The following SOX5 variants were observed in gnomAD, a reference collection of about 807,000 sequenced individuals.
SOX5 encodes SRY-box transcription factor 5, also known as transcription factor SOX-5.
SOX5 carries 9 observed loss-of-function variants against 92.0 expected under a neutral mutation model. The observed-to-expected ratio is 0.10, with a 90% confidence interval of 0.06 to 0.17. The LOEUF (loss-of-function observed/expected upper bound fraction) is 0.17, where lower values mean the gene tolerates loss of function less well. Ranked by LOEUF, SOX5 falls within the 10% of genes least tolerant of loss-of-function variation. The probability of loss-of-function intolerance (pLI) is 1.00; values close to 1 mark genes in which losing one functional copy is unlikely to be tolerated. For synonymous variants in SOX5, 344 were observed against 336.3 expected (o/e 1.02, Z -0.25); for missense variants, 642 against 944.5 (o/e 0.68, Z 4.20).
intron 2 of SOX5, among the ~76,000 whole-genome samples, chr12:24,320,863 T>A (rs1950145376): frequency 8.4e-6 from 1 of 119,520 alleles, no homozygotes; most frequent in Admixed American, 7.8e-5. Context: ...AGACTCTGTC[T>A]CAAAAAAAAA....
At chr12:23,757,050 T>C (rs532554236) in intron 3 of SOX5, among the ~76,000 whole-genome samples, 1 of 152,070 alleles carries the variant, frequency 6.6e-6, no homozygotes, top group African/African-American at 2.4e-5. Flanking sequence ...GGAACACTTC[T>C]GTCTCACATG....
chr12:23,998,721 A>C (rs181225694), intron 4 of SOX5, among the ~76,000 whole-genome samples: 125 of 150,530 alleles, frequency 8.3e-4, no homozygotes, highest in Non-Finnish European at 1.5e-3. Flanking sequence ...AAATTCCTTG[A>C]ACCTCGGAGG....
intron 4 of SOX5, among the ~76,000 whole-genome samples, chr12:24,057,824 T>G (rs544597502): frequency 6.6e-6 from 1 of 152,206 alleles, no homozygotes; most frequent in African/African-American, 2.4e-5. Context: ...AACTGTAAGA[T>G]GACACTCACT....
At chr12:24,019,919 A>T (rs1034947219) in intron 4 of SOX5, among the ~76,000 whole-genome samples, 1 of 152,196 alleles carries the variant, frequency 6.6e-6, no homozygotes, top group Admixed American at 6.5e-5. Context: ...AAGGGAAAAA[A>T]GTTATTACTA....
At chr12:23,872,219 A>G (rs2096882436) in intron 2 of SOX5, among the ~76,000 whole-genome samples, 2 of 120,424 alleles carry the variant, frequency 1.7e-5, no homozygotes, top group South Asian at 5.3e-4. Flanking sequence ...TCACCGTGTT[A>G]GCCAGGATGG....
At chr12:24,558,163 C>A (rs1237159597) in intron 1 of SOX5, among the ~76,000 whole-genome samples, 1 of 152,036 alleles carries the variant, frequency 6.6e-6, no homozygotes, top group Non-Finnish European at 1.5e-5. Context: ...GAGAATTAAA[C>A]CATAATGAAC....
chr12:24,046,091 C>T (rs1268469058), intron 4 of SOX5, among the ~76,000 whole-genome samples: 2 of 152,214 alleles, frequency 1.3e-5, no homozygotes, highest in Non-Finnish European at 2.9e-5. Flanking sequence ...CTGGCTTGAA[C>T]TACATTGTTC....
At chr12:23,555,821 G>A (rs1340277758) in intron 11 of SOX5, among the ~76,000 whole-genome samples, 2 of 152,212 alleles carry the variant, frequency 1.3e-5, no homozygotes, top group East Asian at 1.9e-4. Context: ...GACTCGGCAT[G>A]TATTTCAATT....
intron 2 of SOX5, among the ~76,000 whole-genome samples, chr12:24,340,271 T>C (rs938772781): frequency 2.0e-5 from 3 of 152,226 alleles, no homozygotes; most frequent in African/African-American, 7.2e-5. Flanking sequence ...TGAAAGGTAG[T>C]GTATTTACAG....
rs1175616690 is a variant in SOX5, at chr12:24,042,085, CA to C, written c.-1-146062del. ...GTTAATAAATAGACCAAAGATTAAT[CA>C]ATACCTAATTTAATCATTTGAGTAT... On this transcript the variant is annotated intron_variant, in intron 4 of 4. Coordinates refer to the SOX5 transcript ENST00000446891. Among the ~76,000 whole-genome samples, 6 of 152,126 alleles carry C rather than the reference CA, an allele frequency of 3.9e-5. No individual in the cohort carries two copies. The East Asian group carries it at 1.2e-3, about 29-fold the overall frequency.
Position 23,571,349 on chromosome 12 carries a change from T to C in SOX5, c.1342+4312A>G, listed in dbSNP as rs559657157. On this transcript the variant is annotated intron_variant, in intron 10 of 14. Transcript: ENST00000451604. ...TACTACATTTGCTCAGGTATAGTTTTAGTTTTCATGCGTTAATGCCTCTGA... is the reference window on the plus strand; with the variant it reads ...TACTACATTTGCTCAGGTATAGTTTCAGTTTTCATGCGTTAATGCCTCTGA... 2.7e-4 allele frequency among the ~76,000 whole-genome samples: 41 copies of C among 152,200 alleles called. No homozygotes were observed. The South Asian group carries it at 4.8e-3, about 18-fold the overall frequency.
At chr12:23,961,961 T>C (rs1223547768) in intron 4 of SOX5, among the ~76,000 whole-genome samples, 1 of 152,198 alleles carries the variant, frequency 6.6e-6, no homozygotes, top group Non-Finnish European at 1.5e-5. Context: ...CCAATGTCCA[T>C]TGACAACAGT....
chr12:24,482,959 T>C (rs1415092000), intron 1 of SOX5, among the ~76,000 whole-genome samples: 2 of 152,186 alleles, frequency 1.3e-5, no homozygotes, highest in Non-Finnish European at 2.9e-5. Flanking sequence ...ATAATATACA[T>C]ATATAAATAT....
At chr12:24,273,480 T>A (rs955505880) in intron 3 of SOX5, among the ~76,000 whole-genome samples, 2 of 152,186 alleles carry the variant, frequency 1.3e-5, no homozygotes, top group Non-Finnish European at 2.9e-5. Flanking sequence ...CCCAAAAAAA[T>A]TTATACGTAT....
intron 3 of SOX5, among the ~76,000 whole-genome samples, chr12:23,767,721 G>A (rs962598322): frequency 2.6e-5 from 4 of 151,802 alleles, no homozygotes; most frequent in African/African-American, 4.8e-5. Flanking sequence ...ATAAATATTC[G>A]AAAGGATAAT....
At chr12:23,872,624 T>G (rs2096887437) in intron 2 of SOX5, among the ~76,000 whole-genome samples, 1 of 152,212 alleles carries the variant, frequency 6.6e-6, no homozygotes, top group South Asian at 2.1e-4. Context: ...TTTCCCATGA[T>G]TTTCTTGGAC....
chr12:23,951,033 G>T (rs746566425), upstream of SOX5: 12 of 631,202 alleles, frequency 1.9e-5, no homozygotes, highest in Admixed American at 6.8e-5. Flanking sequence ...CACTCCTACT[G>T]GGAGGGTTCA....
chr12:24,204,439 A>T lies in SOX5; in HGVS notation c.-2+8904T>A, dbSNP rs551271144. On this transcript the variant is annotated intron_variant, in intron 4 of 4. Transcript: ENST00000446891. Reference sequence around the variant, plus strand: ...CACCTCTTGGGTTCAAGTGATTTTCATGCCTCGGCTTCCTGAGTAACTGGG... The same window carrying T: ...CACCTCTTGGGTTCAAGTGATTTTCTTGCCTCGGCTTCCTGAGTAACTGGG... 2.0e-4 allele frequency among the ~76,000 whole-genome samples: 30 copies of T among 151,884 alleles called. No homozygotes were observed. In the South Asian group the frequency reaches 6.0e-3, roughly 31 times the overall value.
chr12:24,216,105 G>A (rs960588047), intron 3 of SOX5, among the ~76,000 whole-genome samples: 1 of 152,222 alleles, frequency 6.6e-6, no homozygotes, highest in Non-Finnish European at 1.5e-5. Context: ...TTCCCTGAGT[G>A]ATAGATGTGC....
Sources: allele counts gnomAD v4.1 joint callset (sites outside exome capture counted in the v4.1 genomes callset), GRCh38; gene constraint gnomAD v4.1.1; transcripts MANE v1.5; gene names NCBI Gene and HGNC (gene_info 2026-07-23, HGNC 2026-07-21).